RBM11: variants seen among roughly 807,000 people sequenced by gnomAD.
The protein encoded by RBM11 is splicing regulator RBM11.
Under a neutral mutation model 21.4 loss-of-function variants are expected in RBM11, and 18 were observed. The ratio of observed to expected loss-of-function variants is 0.84; its 90% confidence interval spans 0.58 to 1.25. The LOEUF is 1.25. Among genes scored for constraint, RBM11 ranks in the 50% most tolerant of loss-of-function variants. The pLI is 0.00. For synonymous variants in RBM11, 120 were observed against 116.3 expected (o/e 1.03, Z -0.20); for missense variants, 294 against 331.9 (o/e 0.89, Z 0.89).
chr21:14,219,461 G>A (rs934475990), intron 1 of RBM11, 102 bp from the exon 2 acceptor site: 67 of 808,352 alleles, frequency 8.3e-5, no homozygotes, highest in Non-Finnish European at 1.1e-4. Flanking sequence ...GCTACATAAA[G>A]ATATTGCTAA....
At chr21:14,220,315 C>T (rs1484145933) in intron 2 of RBM11, among the ~76,000 whole-genome samples, 1 of 152,148 alleles carries the variant, frequency 6.6e-6, no homozygotes, top group Non-Finnish European at 1.5e-5. Context: ...TCATGATTAG[C>T]TGCCAAGAGA....
At chr21:14,223,487 G>A (rs1978843761) in intron 3 of RBM11, among the ~76,000 whole-genome samples, 1 of 152,146 alleles carries the variant, frequency 6.6e-6, no homozygotes, top group Non-Finnish European at 1.5e-5. Flanking sequence ...CCAAGATAAA[G>A]GTGTCAGCAG....
intron 1 of RBM11, among the ~76,000 whole-genome samples, chr21:14,216,501 G>C (rs1238925127): frequency 6.6e-6 from 1 of 152,102 alleles, no homozygotes; most frequent in Non-Finnish European, 1.5e-5. Context: ...CCTGGGGTTG[G>C]GCAGGGACGT....
chr21:14,219,342 A>G (rs2123391573), intron 1 of RBM11, among the ~76,000 whole-genome samples: 1 of 152,328 alleles, frequency 6.6e-6, no homozygotes, highest in South Asian at 2.1e-4. Flanking sequence ...ACTAATACCT[A>G]GAATTTCCTG....
At position 14,216,173 on chromosome 21, in the gene RBM11, G is replaced by T; in HGVS notation, c.-14G>T. 6.2e-7 allele frequency: 1 copy of T among 1,609,700 alleles called. No individual in the cohort carries two copies. Among genetic ancestry groups the T allele is most frequent in the East Asian group, 2.2e-5 (1 of 44,720 alleles). ...GTCTCAGCTCCTACTTCATTCTACG[G>T]CCGAGACCGGAGGATGTTCCCTGCT... On this transcript the variant is annotated 5_prime_UTR_variant, in exon 1 of 5. Coordinates refer to ENST00000400577, the MANE Select transcript of RBM11 (RefSeq NM_144770.5).
chr21:14,221,728 C>G (rs1978677594), intron 3 of RBM11, among the ~76,000 whole-genome samples: 1 of 152,156 alleles, frequency 6.6e-6, no homozygotes, highest in Non-Finnish European at 1.5e-5. Flanking sequence ...GGTCATGAAA[C>G]TAAAAGGCTC....
intron 3 of RBM11, among the ~76,000 whole-genome samples, chr21:14,222,925 C>A (rs973196613): frequency 6.6e-6 from 1 of 152,192 alleles, no homozygotes; most frequent in Non-Finnish European, 1.5e-5. Context: ...ACTATCTAGA[C>A]TCATGTGTCG....
At chr21:14,217,048 G>A (rs1055959142) in intron 1 of RBM11, among the ~76,000 whole-genome samples, 1 of 152,084 alleles carries the variant, frequency 6.6e-6, no homozygotes, top group Admixed American at 6.5e-5. Flanking sequence ...TTCCTAACAG[G>A]GAGAACTTAA....
chr21:14,226,894 T>C lies in RBM11; in HGVS notation c.447T>C (p.Tyr149=), dbSNP rs756739019. 1.2e-6 allele frequency: 2 copies of C among 1,612,674 alleles called. No homozygotes were observed. The change falls in exon 5 of 5, where the codon TAT becomes TAC. Residue 149 remains tyrosine (Y), a synonymous_variant. Transcript: ENST00000400577. Reference sequence around the variant, plus strand: ...TGTTTTCACAGCAGTGGCATGTGTATAATCCAGTGCTGCAGCTTCCTTACT... The same window carrying C: ...TGTTTTCACAGCAGTGGCATGTGTACAATCCAGTGCTGCAGCTTCCTTACT... ...FLFQKMQWHV[Y]NPVLQLPYYE... is the part of the protein sequence containing the mutation.
At chr21:14,218,129 A>G (rs1978366308) in intron 1 of RBM11, among the ~76,000 whole-genome samples, 1 of 152,206 alleles carries the variant, frequency 6.6e-6, no homozygotes, top group Non-Finnish European at 1.5e-5. Flanking sequence ...GATTTAAAAA[A>G]TACTGTAAGA....
intron 3 of RBM11, among the ~76,000 whole-genome samples, chr21:14,222,312 T>C (rs554157162): frequency 1.3e-5 from 2 of 152,238 alleles, no homozygotes; most frequent in Non-Finnish European, 2.9e-5. Context: ...TAGATACTTA[T>C]ATATAGAGAG....
intron 1 of RBM11, among the ~76,000 whole-genome samples, chr21:14,217,153 A>T (rs1267103862): frequency 2.6e-5 from 4 of 152,210 alleles, no homozygotes; most frequent in Non-Finnish European, 2.9e-5. Flanking sequence ...TGTGACTCTG[A>T]GCCTGTCAAT....
intron 4 of RBM11, among the ~76,000 whole-genome samples, chr21:14,224,864 A>G (rs1459436447): frequency 6.6e-6 from 1 of 152,226 alleles, no homozygotes. Context: ...GTTCACACCT[A>G]TAATCACAGC....
chr21:14,223,686 A>T (rs1048389600), intron 3 of RBM11, among the ~76,000 whole-genome samples: 1 of 152,154 alleles, frequency 6.6e-6, no homozygotes, highest in African/African-American at 2.4e-5. Flanking sequence ...ATATGTTGAA[A>T]TTTTGGTCCC....
At chr21:14,218,902 A>C (rs189583079) in intron 1 of RBM11, among the ~76,000 whole-genome samples, 4 of 152,218 alleles carry the variant, frequency 2.6e-5, no homozygotes, top group Admixed American at 2.6e-4. Flanking sequence ...GAATATTTAT[A>C]ATTTATATTT....
chr21:14,224,589 G>C, intron 4 of RBM11, 52 bp downstream of exon 4: 1 of 1,504,246 alleles, frequency 6.6e-7, no homozygotes, highest in Non-Finnish European at 8.9e-7. Context: ...AAACTATGAA[G>C]AACATAAAGG....
In RBM11 at chr21:14,227,201, C is replaced by T; in HGVS notation, c.754C>T (p.Gln252Ter). 1 of 1,613,988 alleles carries T rather than the reference C, an allele frequency of 6.2e-7. No homozygotes were observed. Among genetic ancestry groups the T allele is most frequent in the Non-Finnish European group, 8.5e-7 (1 of 1,179,900 alleles). Residue 252 changes from glutamine to a stop codon, truncating the protein, a stop_gained, in exon 5 of 5, where the codon CAA (glutamine) becomes TAA (stop). Transcript: ENST00000400577. LOFTEE classifies it high-confidence loss of function. ...GATGAATAAACGAAAGAGACAAAAGCAAACAAGTGATAGTGATAGTAGCAC... is the reference window on the plus strand; with the variant it reads ...GATGAATAAACGAAAGAGACAAAAGTAAACAAGTGATAGTGATAGTAGCAC... ...YQMNKRKRQKQTSDSDSSTDN... is the reference protein window; with the variant it reads ...YQMNKRKRQK
At chr21:14,223,576 C>G (rs1978850177) in intron 3 of RBM11, among the ~76,000 whole-genome samples, 2 of 150,770 alleles carry the variant, frequency 1.3e-5, no homozygotes. Context: ...TGGTATTTTT[C>G]AGCCTGTAGA....
intron 3 of RBM11, among the ~76,000 whole-genome samples, chr21:14,222,605 G>C (rs1445658248): frequency 2.6e-5 from 4 of 152,146 alleles, no homozygotes; most frequent in African/African-American, 9.7e-5. Context: ...TTCTACATCA[G>C]TGAAATGAGA....
Sources: allele counts gnomAD v4.1 joint callset (sites outside exome capture counted in the v4.1 genomes callset), GRCh38; gene constraint gnomAD v4.1.1; transcripts MANE v1.5; gene names NCBI Gene and HGNC (gene_info 2026-07-23, HGNC 2026-07-21).